DIS3L2: variants seen among roughly 807,000 people sequenced by gnomAD.
DIS3L2 encodes DIS3-like exonuclease 2.
DIS3L2 carries 34 observed loss-of-function variants against 97.5 expected under a neutral mutation model. That is an observed-to-expected ratio of 0.35 (90% CI 0.27 to 0.46). DIS3L2 has a LOEUF of 0.46. DIS3L2 is among the 20% of genes least tolerant of loss of function. The pLI, the probability that DIS3L2 is intolerant of heterozygous loss-of-function variation, is 1.00. For synonymous variants in DIS3L2, 435 were observed against 445.2 expected (o/e 0.98, Z 0.29); for missense variants, 1,038 against 1,146.0 (o/e 0.91, Z 1.36).
intron 10 of DIS3L2, among the ~76,000 whole-genome samples, chr2:232,224,656 TGG>T (rs1692592484): frequency 6.6e-6 from 1 of 151,966 alleles, no homozygotes; most frequent in African/African-American, 2.4e-5. Context: ...CTGGTCAACA[TGG>T]TAAAAACCTC....
intron 4 of DIS3L2, among the ~76,000 whole-genome samples, 198 bp downstream of exon 4, chr2:232,024,528 C>T (rs145337538): frequency 6.6e-6 from 1 of 152,262 alleles, no homozygotes; most frequent in Non-Finnish European, 1.5e-5. Context: ...AAATCGCATG[C>T]CAAATGAAAG....
chr2:232,238,552 T>A lies in DIS3L2; in HGVS notation c.1224T>A (p.Val408=), dbSNP rs375321385. 49 of 1,613,990 alleles carry A rather than the reference T, an allele frequency of 3.0e-5. No homozygotes were observed. The highest frequency in any genetic ancestry group is 4.2e-5 in the Non-Finnish European group (49 of 1,180,004). Residue 408 remains valine (V), a synonymous_variant, in exon 11 of 21, where the codon GTT becomes GTA. Coordinates refer to ENST00000325385, the MANE Select transcript of DIS3L2 (RefSeq NM_152383.5). The part of the protein sequence containing the change: ...PLADGNFKVG[V]HIADVSYFVP... ...TTACAGGCAACTTCAAAGTGGGAGT[T>A]CACATTGCTGACGTGAGTTACTTTG...
intron 7 of DIS3L2, among the ~76,000 whole-genome samples, chr2:232,134,960 G>T (rs1041195530): frequency 1.3e-5 from 2 of 152,164 alleles, no homozygotes; most frequent in Admixed American, 6.5e-5. Context: ...AACAGGCAAG[G>T]GTTAAAGGTG....
intron 14 of DIS3L2, among the ~76,000 whole-genome samples, chr2:232,300,838 C>T (rs1471621264): frequency 2.0e-5 from 3 of 151,972 alleles, no homozygotes; most frequent in Non-Finnish European, 4.4e-5. Flanking sequence ...ATTTTTAGTA[C>T]AGACAGGGTC....
chr2:232,219,280 G>A (rs761492078), intron 10 of DIS3L2, among the ~76,000 whole-genome samples: 11 of 152,162 alleles, frequency 7.2e-5, no homozygotes, highest in Non-Finnish European at 1.5e-4. Context: ...GTGTTCCTTG[G>A]ATATCTCTAC....
At chr2:232,324,579 T>A (rs1695524172) in intron 14 of DIS3L2, among the ~76,000 whole-genome samples, 1 of 152,142 alleles carries the variant, frequency 6.6e-6, no homozygotes, top group African/African-American at 2.4e-5. Context: ...GGTGAGTTTG[T>A]CAGCACTTTA....
intron 1 of DIS3L2, among the ~76,000 whole-genome samples, chr2:231,964,047 A>G (rs796591071): frequency 5.9e-5 from 9 of 152,288 alleles, no homozygotes; most frequent in African/African-American, 2.2e-4. Flanking sequence ...TCTTTAACCC[A>G]TTATGTATAT....
At chr2:232,041,597 C>T (rs1343952922) in intron 5 of DIS3L2, among the ~76,000 whole-genome samples, 1 of 152,178 alleles carries the variant, frequency 6.6e-6, no homozygotes, top group Non-Finnish European at 1.5e-5. Context: ...CCAAAGGAGT[C>T]TTGGGAGCCC....
At position 232,292,076 on chromosome 2, in the gene DIS3L2, G is replaced by A. The variant is rs565762845; in HGVS notation, c.1660-7964G>A. Among the ~76,000 whole-genome samples the A allele has an allele frequency of 7.9e-5, 12 of 152,224 alleles. No homozygotes were observed. The South Asian group carries it at 2.5e-3, about 32-fold the overall frequency. Reference sequence around the variant, plus strand: ...ATCTACCTGTTCAGTAGCCCAGAGGGACCCCTGGCATGCTTGCCTAGCCAC... The same window carrying A: ...ATCTACCTGTTCAGTAGCCCAGAGGAACCCCTGGCATGCTTGCCTAGCCAC... On this transcript the variant is annotated intron_variant, in intron 13 of 20. Coordinates refer to ENST00000325385, the MANE Select transcript of DIS3L2 (RefSeq NM_152383.5). The surrounding 1 kb of genome is among the most constrained non-coding windows in gnomAD (Gnocchi z 4.4).
intron 5 of DIS3L2, among the ~76,000 whole-genome samples, chr2:232,036,678 T>C (rs1694957703): frequency 6.6e-6 from 1 of 152,256 alleles, no homozygotes; most frequent in Non-Finnish European, 1.5e-5. Flanking sequence ...TGGTCTTTCC[T>C]GTTGGTGACC....
intron 13 of DIS3L2, among the ~76,000 whole-genome samples, chr2:232,299,340 C>T (rs913998618): frequency 3.3e-5 from 5 of 152,202 alleles, no homozygotes; most frequent in Admixed American, 6.5e-5. Flanking sequence ...ATTACCTCAT[C>T]TACTCCTTCT....
At chr2:232,237,391 T>G (rs2106250746) in intron 10 of DIS3L2, among the ~76,000 whole-genome samples, 1 of 152,186 alleles carries the variant, frequency 6.6e-6, no homozygotes, top group East Asian at 1.9e-4. Flanking sequence ...AGAAAGTGGG[T>G]CCTTTACCAG....
intron 9 of DIS3L2, among the ~76,000 whole-genome samples, chr2:232,176,809 A>C (rs984527615): frequency 6.7e-6 from 1 of 149,414 alleles, no homozygotes. Flanking sequence ...TATTATTATT[A>C]TTTTTTAAAT....
intron 6 of DIS3L2, among the ~76,000 whole-genome samples, chr2:232,120,854 T>C (rs1042004040): frequency 6.6e-6 from 1 of 152,294 alleles, no homozygotes; most frequent in Admixed American, 6.5e-5. Flanking sequence ...GTCCTTCTGC[T>C]GGAGTTAACC....
At chr2:231,998,937 C>G (rs768855136) in intron 1 of DIS3L2, among the ~76,000 whole-genome samples, 5 of 152,072 alleles carry the variant, frequency 3.3e-5, no homozygotes, top group Admixed American at 6.6e-5. Context: ...TCAGAGGGCT[C>G]CTGTGAACTT....
At chr2:232,187,356 A>T (rs1192055994) in intron 9 of DIS3L2, among the ~76,000 whole-genome samples, 1 of 152,202 alleles carries the variant, frequency 6.6e-6, no homozygotes, top group Non-Finnish European at 1.5e-5. Context: ...GCAGCTCCTC[A>T]AAGGGTTAAA....
rs367577140 is a variant in DIS3L2, at chr2:232,269,165, G to A, written c.1659+5725G>A. On this transcript the variant is annotated intron_variant, in intron 13 of 20. Transcript: ENST00000325385. The surrounding 1 kb of genome is among the most constrained non-coding windows in gnomAD (Gnocchi z 4.5). ...TGGGGACTGCTCATGGCAAAATGTA[G>A]CGCTAAGGAAACTGTGTAGCATTTC... 6.6e-5 allele frequency among the ~76,000 whole-genome samples: 10 copies of A among 152,162 alleles called. No individual in the cohort carries two copies. Among genetic ancestry groups the A allele is most frequent in the South Asian group, 4.1e-4 (2 of 4,834 alleles).
chr2:232,329,785 T>TGCCGGGGGC, intron 14 of DIS3L2, 28 bp from the exon 15 acceptor site: 9 of 967,142 alleles, frequency 9.3e-6, no homozygotes, highest in Non-Finnish European at 1.3e-5. Flanking sequence ...ACCCCAGCGG[T>TGCCGGGGGC]CCCTCCCATC....
At chr2:232,311,100 A>G (rs984270034) in intron 14 of DIS3L2, among the ~76,000 whole-genome samples, 1 of 152,218 alleles carries the variant, frequency 6.6e-6, no homozygotes, top group Non-Finnish European at 1.5e-5. Flanking sequence ...TGTAGAAATC[A>G]CTAGACCTTC....
Sources: gnomAD v4.1 joint callset for allele counts (sites outside exome capture counted in the v4.1 genomes callset) on GRCh38, gnomAD v4.1.1 for gene constraint, Gnocchi (gnomAD v3.1) non-coding constraint, MANE v1.5 for transcripts, NCBI Gene and HGNC (gene_info 2026-07-23, HGNC 2026-07-21) for gene names.